The following RIMS2 variants were observed in gnomAD, a reference collection of about 807,000 sequenced individuals.
RIMS2 encodes regulating synaptic membrane exocytosis protein 2.
In RIMS2, 59 loss-of-function variants were observed where a neutral mutation model predicts 174.4. The observed-to-expected ratio is 0.34, with a 90% CI of 0.27 to 0.42. The LOEUF (loss-of-function observed/expected upper bound fraction) is 0.42, where lower values mean the gene tolerates loss of function less well. Ranked by LOEUF, RIMS2 falls within the 10% of genes least tolerant of loss-of-function variation. The pLI, the probability that RIMS2 is intolerant of heterozygous loss-of-function variation, is 1.00. For missense variants in RIMS2, 1,620 were observed against 1,666.3 expected (o/e 0.97, Z 0.48); for synonymous variants, 606 against 572.5 (o/e 1.06, Z -0.84).
At chr8:103,927,738 A>G in intron 10 of RIMS2, 1 of 723,572 alleles carries the variant, frequency 1.4e-6, no homozygotes, top group Non-Finnish European at 2.4e-6. Flanking sequence ...ATTGTATTTA[A>G]GGGATAGTTG....
chr8:103,829,128 G>A (rs1221533493), intron 3 of RIMS2, among the ~76,000 whole-genome samples: 2 of 140,052 alleles, frequency 1.4e-5, no homozygotes, highest in Non-Finnish European at 3.1e-5. Flanking sequence ...AAATACTGTT[G>A]GTAGTTTAAA....
intron 2 of RIMS2, among the ~76,000 whole-genome samples, chr8:103,765,863 A>G (rs1451872186): frequency 2.0e-5 from 3 of 152,108 alleles, no homozygotes; most frequent in Non-Finnish European, 4.4e-5. Flanking sequence ...AAAGTTGCAA[A>G]GTTTCTAATT....
intron 1 of RIMS2, among the ~76,000 whole-genome samples, chr8:103,647,461 C>T (rs762940299): frequency 6.6e-6 from 1 of 152,074 alleles, no homozygotes; most frequent in Non-Finnish European, 1.5e-5. Context: ...AGGGGAGACC[C>T]TCCTTTTTAA....
chr8:103,971,011 A>T (rs1214558082), intron 15 of RIMS2, among the ~76,000 whole-genome samples: 1 of 152,094 alleles, frequency 6.6e-6, no homozygotes, highest in Non-Finnish European at 1.5e-5. Context: ...AATTCTAGGC[A>T]TGGAGTTTTC....
chr8:104,148,253 T>G (rs763205343), intron 19 of RIMS2, among the ~76,000 whole-genome samples: 1 of 151,892 alleles, frequency 6.6e-6, no homozygotes, highest in Non-Finnish European at 1.5e-5. Flanking sequence ...AAGAATGTTT[T>G]TGTAAGCTTC....
At chr8:104,017,418 A>G (rs2095947017) in intron 19 of RIMS2, among the ~76,000 whole-genome samples, 1 of 152,044 alleles carries the variant, frequency 6.6e-6, no homozygotes, top group Non-Finnish European at 1.5e-5. Context: ...AGTCTGTTAT[A>G]TATTTAGCCA....
intron 6 of RIMS2, among the ~76,000 whole-genome samples, chr8:103,914,407 T>C (rs2076286978): frequency 6.6e-6 from 1 of 152,210 alleles, no homozygotes; most frequent in African/African-American, 2.4e-5. Flanking sequence ...TGAATTGTTG[T>C]AATATGATTA....
chr8:103,765,438 A>G (rs577661028), intron 2 of RIMS2, among the ~76,000 whole-genome samples: 1 of 152,324 alleles, frequency 6.6e-6, no homozygotes, highest in South Asian at 2.1e-4. Context: ...AAAATTTTAA[A>G]GATCTGTTTC....
At chr8:103,611,225 CCT>C (rs1477837912) in intron 1 of RIMS2, among the ~76,000 whole-genome samples, 31 of 151,916 alleles carry the variant, frequency 2.0e-4, no homozygotes, top group African/African-American at 7.5e-4. Context: ...ATTTCATTCC[CCT>C]GTTTTAAAAC....
intron 1 of RIMS2, among the ~76,000 whole-genome samples, chr8:103,583,021 A>G (rs2093700515): frequency 6.6e-6 from 1 of 152,208 alleles, no homozygotes; most frequent in Admixed American, 6.5e-5. Flanking sequence ...GACCCAGCGC[A>G]GTCATAGTGG....
chr8:103,770,300 G>T (rs796370245), intron 3 of RIMS2, among the ~76,000 whole-genome samples: 1 of 152,320 alleles, frequency 6.6e-6, no homozygotes, highest in African/African-American at 2.4e-5. Context: ...TATAGTCCGG[G>T]TGCAATGGCT....
intron 1 of RIMS2, among the ~76,000 whole-genome samples, chr8:103,623,630 G>A (rs2095696463): frequency 5.3e-5 from 8 of 150,640 alleles, no homozygotes; most frequent in Admixed American, 5.3e-4. Context: ...GACTACAGGC[G>A]CCCGCCACCA....
intron 19 of RIMS2, among the ~76,000 whole-genome samples, chr8:104,036,961 C>T (rs1410511378): frequency 6.6e-6 from 1 of 151,888 alleles, no homozygotes; most frequent in Non-Finnish European, 1.5e-5. Flanking sequence ...AAATACGGCA[C>T]CTAATTTAAT....
intron 3 of RIMS2, chr8:103,880,748 TG>T (rs1226716744): frequency 2.3e-6 from 1 of 442,642 alleles, no homozygotes; most frequent in Non-Finnish European, 4.1e-6. Context: ...TATATATTTT[TG>T]TTTTTTTATA....
chr8:103,550,425 C>T (rs1375112458), intron 1 of RIMS2, among the ~76,000 whole-genome samples: 1 of 152,136 alleles, frequency 6.6e-6, no homozygotes, highest in African/African-American at 2.4e-5. Flanking sequence ...AAAGACACAA[C>T]ATAACCAGAC....
chr8:103,551,642 A>T (rs1314874348), intron 1 of RIMS2, among the ~76,000 whole-genome samples: 2 of 152,192 alleles, frequency 1.3e-5, no homozygotes. Context: ...TTCAATTAGG[A>T]AAAGAAGAAG....
At chr8:104,075,939 G>A (rs768667195) in intron 19 of RIMS2, among the ~76,000 whole-genome samples, 1 of 152,148 alleles carries the variant, frequency 6.6e-6, no homozygotes, top group Non-Finnish European at 1.5e-5. Flanking sequence ...CCAGGCCACA[G>A]TCTTCTAAGC....
intron 15 of RIMS2, among the ~76,000 whole-genome samples, chr8:103,969,402 T>G (rs2092584610): frequency 1.3e-5 from 2 of 152,200 alleles, no homozygotes; most frequent in Non-Finnish European, 2.9e-5. Context: ...CTTGTTCTCT[T>G]TGCTTTTCAG....
Position 103,768,411 on chromosome 8 carries a change from A to G in RIMS2, c.698+1874A>G. 4.0e-6 allele frequency: 3 copies of G among 751,782 alleles called. No homozygotes were observed. In the Admixed American group the frequency reaches 5.2e-5, roughly 13 times the overall value. The allele number at this position is 751,782 out of a possible 1,614,324, so 46.6% of individuals were successfully genotyped here. On this transcript the variant is annotated intron_variant, in intron 3 of 23. Transcript: ENST00000504942. ...GTTGCTGCTGATGCTCTGGTTGAAG[A>G]ATGGAAGGGTTATGTGGTCCTAATC...
Sources: gnomAD v4.1 joint callset for allele counts (sites outside exome capture counted in the v4.1 genomes callset) on GRCh38, gnomAD v4.1.1 for gene constraint, MANE v1.5 for transcripts, NCBI Gene and HGNC (gene_info 2026-07-23, HGNC 2026-07-21) for gene names.